Variants in KLHL22 observed in about 807,000 individuals in gnomAD.
KLHL22 encodes kelch like family member 22.
KLHL22 carries 18 observed loss-of-function variants against 60.7 expected under a neutral mutation model. The ratio of observed to expected loss-of-function variants is 0.30; its 90% CI spans 0.20 to 0.44. The LOEUF is 0.44. KLHL22 is among the 20% of genes least tolerant of loss of function. KLHL22 has a pLI of 1.00. For synonymous variants in KLHL22, 355 were observed against 354.5 expected (o/e 1.00, Z -0.01); for missense variants, 596 against 852.3 (o/e 0.70, Z 3.74).
intron 4 of KLHL22, among the ~76,000 whole-genome samples, chr22:20,463,215 C>T (rs1292816185): frequency 6.6e-6 from 1 of 152,196 alleles, no homozygotes; most frequent in Non-Finnish European, 1.5e-5. Flanking sequence ...CAAGGCAGGT[C>T]TTGCCGACCC....
chr22:20,451,621 A>G (rs754449244), intron 5 of KLHL22: 6 of 1,603,682 alleles, frequency 3.7e-6, no homozygotes, highest in Non-Finnish European at 5.1e-6. Context: ...TTCCCGGACA[A>G]CTGCCACCAG....
At chr22:20,453,418 C>A (rs2053011202) in intron 5 of KLHL22, among the ~76,000 whole-genome samples, 1 of 152,144 alleles carries the variant, frequency 6.6e-6, no homozygotes, top group African/African-American at 2.4e-5. Context: ...TTCCTCCACT[C>A]AATTGTTTCT....
Position 20,446,647 on chromosome 22 carries a change from C to A in KLHL22, c.1335G>T (p.Glu445Asp). The A allele has an allele frequency of 6.2e-7, 1 of 1,612,508 alleles. No individual in the cohort carries two copies. Among genetic ancestry groups the A allele is most frequent in the Non-Finnish European group, 8.5e-7 (1 of 1,180,030 alleles). ...GGCCGCAGGTGATATACATCTTCCCCTCCAGCGTCGCGCCTGCGTGGGCAT... is the reference window on the plus strand; with the variant it reads ...GGCCGCAGGTGATATACATCTTCCCATCCAGCGTCGCGCCTGCGTGGGCAT... ...EVYAHAGATL[E>D]GKMYITCGRR... The change falls in exon 6 of 7, where the codon GAG becomes GAT. Residue 445 changes from glutamate to aspartate, a missense_variant. Transcript: ENST00000328879.
In KLHL22 at chr22:20,495,533, C is replaced by T. The variant is rs1206194293; in HGVS notation, c.-34+227G>A. ...CCTGGCCCCTGGCCGAGCGCCAGATCCCGGCCCCTACGCGCCCGCGCCCGG... is the reference window on the plus strand; with the variant it reads ...CCTGGCCCCTGGCCGAGCGCCAGATTCCGGCCCCTACGCGCCCGCGCCCGG... On this transcript the variant is annotated intron_variant, in intron 1 of 6. Transcript: ENST00000328879. The surrounding 1 kb of genome is among the most constrained non-coding windows in gnomAD (Gnocchi z 4.6). Among the ~76,000 whole-genome samples, 2 of 151,438 alleles carry T rather than the reference C, an allele frequency of 1.3e-5. No individual in the cohort carries two copies. The highest frequency in any genetic ancestry group is 2.4e-5 in the African/African-American group (1 of 41,356).
chr22:20,482,273 T>C (rs1601382332), intron 2 of KLHL22: 1 of 152,652 alleles, frequency 6.6e-6, no homozygotes, highest in African/African-American at 2.4e-5. Flanking sequence ...CTGCTCACCA[T>C]GTCTGCAGAT....
intron 6 of KLHL22, among the ~76,000 whole-genome samples, chr22:20,444,360 T>C (rs942123400): frequency 6.6e-6 from 1 of 152,210 alleles, no homozygotes; most frequent in African/African-American, 2.4e-5. Context: ...AGAGGACTTA[T>C]GAATGCAGAA....
At chr22:20,447,945 A>C (rs1443386167) in intron 5 of KLHL22, among the ~76,000 whole-genome samples, 1 of 152,158 alleles carries the variant, frequency 6.6e-6, no homozygotes, top group Non-Finnish European at 1.5e-5. Flanking sequence ...CCCCCATGGT[A>C]GGAGCCTGTG....
intron 2 of KLHL22, chr22:20,484,086 G>A (rs2053548688): frequency 3.1e-6 from 3 of 966,824 alleles, no homozygotes; most frequent in Admixed American, 3.5e-5. Flanking sequence ...GGAGAAGGTA[G>A]AGCGAGTGGT....
At chr22:20,488,690 A>AGGGGAGGGGAGAAGAGGGGAGGGGC (rs1367408908) in intron 2 of KLHL22, 1 of 455,600 alleles carries the variant, frequency 2.2e-6, no homozygotes, top group African/African-American at 2.0e-5. Context: ...AAGGGAGGGG[A>AGGGGAGGGGAGAAGAGGGGAGGGGC]GGAGAGAAAG....
intron 2 of KLHL22, chr22:20,475,330 T>G (rs1262256970): frequency 3.3e-5 from 5 of 152,210 alleles, no homozygotes; most frequent in African/African-American, 1.2e-4. Context: ...TTTTCAATGT[T>G]GTCAAATTTA....
In KLHL22 at chr22:20,454,167, A is replaced by G. The variant is rs2053026456; in HGVS notation, c.1305+3641T>C. ...AATATGGTGAAACCTTCATGATACT[A>G]AAAATATAAATATTAGCTGGGCATG... On this transcript the variant is annotated intron_variant, in intron 5 of 6. Coordinates refer to ENST00000328879, the MANE Select transcript of KLHL22 (RefSeq NM_032775.4). 2.0e-5 allele frequency among the ~76,000 whole-genome samples: 3 copies of G among 152,196 alleles called. No homozygotes were observed. The South Asian group carries it at 6.2e-4, about 32-fold the overall frequency.
chr22:20,457,472 G>A (rs780371511), intron 5 of KLHL22, among the ~76,000 whole-genome samples: 1 of 152,140 alleles, frequency 6.6e-6, no homozygotes, highest in African/African-American at 2.4e-5. Context: ...GCTGCACAAA[G>A]AGCAAATGTT....
intron 5 of KLHL22, among the ~76,000 whole-genome samples, chr22:20,446,954 T>C (rs2052874568): frequency 6.6e-6 from 1 of 152,216 alleles, no homozygotes; most frequent in Admixed American, 6.5e-5. Context: ...AACATCTGCA[T>C]GGGGGAACTC....
intron 2 of KLHL22, among the ~76,000 whole-genome samples, chr22:20,472,724 T>G (rs2146244006): frequency 6.6e-6 from 1 of 152,146 alleles, no homozygotes; most frequent in Non-Finnish European, 1.5e-5. Flanking sequence ...AGACTCTGTC[T>G]CAAAAAACAT....
intron 5 of KLHL22, chr22:20,450,247 A>T: frequency 1.1e-6 from 1 of 884,132 alleles, no homozygotes; most frequent in Non-Finnish European, 2.0e-6. Flanking sequence ...GAGCAGAAAG[A>T]CTTTCCTGCC....
chr22:20,495,484 A>G lies in KLHL22; in HGVS notation c.-34+276T>C, dbSNP rs2053754724. Among the ~76,000 whole-genome samples the G allele has an allele frequency of 1.3e-5, 2 of 151,986 alleles. No individual in the cohort carries two copies. Among genetic ancestry groups the G allele is most frequent in the Non-Finnish European group, 2.9e-5 (2 of 67,928 alleles). ...GGTGCCAGGAGGCCGGCGCGCCAGCAGCCGCGCTGAGGAGGCCTCGCACCC... is the reference window on the plus strand; with the variant it reads ...GGTGCCAGGAGGCCGGCGCGCCAGCGGCCGCGCTGAGGAGGCCTCGCACCC... On this transcript the variant is annotated intron_variant, in intron 1 of 6. Transcript: ENST00000328879. This position sits in a 1 kb window ranked among gnomAD's most constrained non-coding sequence, Gnocchi z 4.6.
chr22:20,471,288 T>C, intron 3 of KLHL22, 62 bp downstream of exon 3: 2 of 1,517,778 alleles, frequency 1.3e-6, no homozygotes, highest in African/African-American at 1.4e-5. Flanking sequence ...GCAGGCATCA[T>C]GGGCATCTCA....
At chr22:20,488,664 G>A (rs763482899) in intron 2 of KLHL22, 186 of 405,300 alleles carry the variant, frequency 4.6e-4, no homozygotes, top group African/African-American at 3.5e-3. Flanking sequence ...AATTACTGAC[G>A]GAGGGGAGGA....
chr22:20,488,339 G>C (rs1462020309), intron 2 of KLHL22, among the ~76,000 whole-genome samples: 1 of 152,212 alleles, frequency 6.6e-6, no homozygotes, highest in Non-Finnish European at 1.5e-5. Flanking sequence ...ACCTCCTTGA[G>C]TGCAGAGCAG....
Sources: allele counts gnomAD v4.1 joint callset (sites outside exome capture counted in the v4.1 genomes callset), GRCh38; gene constraint gnomAD v4.1.1; non-coding constraint Gnocchi (gnomAD v3.1); transcripts MANE v1.5; gene names NCBI Gene and HGNC (gene_info 2026-07-23, HGNC 2026-07-21).